ZNF519: variants seen among roughly 807,000 people sequenced by gnomAD.
ZNF519 encodes similar to Zinc finger protein 85 (Zinc finger protein HPF4) (HTF1).
In ZNF519, 7 loss-of-function variants were observed where a neutral mutation model predicts 7.4. That is an observed-to-expected ratio of 0.94 (90% CI 0.54 to 1.77). ZNF519 has a LOEUF of 1.77. Among genes scored for constraint, ZNF519 ranks in the 40% most tolerant of loss-of-function variants. ZNF519 has a pLI of 0.00. For missense variants in ZNF519, 586 were observed against 623.1 expected, an observed-to-expected ratio of 0.94 and a Z score of 0.63; for synonymous variants, 179 against 203.3, an observed-to-expected ratio of 0.88 and a Z score of 1.02.
At chr18:14,072,112 T>A (rs1256452279), downstream of ZNF519, 2 of 152,206 alleles carry the variant, frequency 1.3e-5, no homozygotes, top group African/African-American at 4.8e-5. Context: ...TAATGCAGAC[T>A]AAATATCTTA....
intron 1 of ZNF519, among the ~76,000 whole-genome samples, chr18:14,127,270 A>G (rs1235433830): frequency 4.6e-5 from 7 of 152,172 alleles, no homozygotes; most frequent in Non-Finnish European, 8.8e-5. Context: ...CCACTCTGAA[A>G]CTGATGCTTA....
chr18:14,130,443 T>C (rs1369978289), intron 1 of ZNF519, among the ~76,000 whole-genome samples: 2 of 152,104 alleles, frequency 1.3e-5, no homozygotes, highest in Non-Finnish European at 2.9e-5. Flanking sequence ...AGATCCAATT[T>C]ACAGTTAATT....
chr18:14,107,687 A>G (rs1305481537), intron 2 of ZNF519, among the ~76,000 whole-genome samples: 1 of 152,114 alleles, frequency 6.6e-6, no homozygotes, highest in Non-Finnish European at 1.5e-5. Flanking sequence ...CTGAGACAAA[A>G]GGGACACCAC....
At chr18:14,074,274 A>C (rs183350668), downstream of ZNF519, 4 of 152,302 alleles carry the variant, frequency 2.6e-5, no homozygotes, top group African/African-American at 7.2e-5. Flanking sequence ...GAGCAGACAG[A>C]TCAAGAAATT....
At chr18:14,093,300 C>T (rs187692795) in intron 2 of ZNF519, among the ~76,000 whole-genome samples, 17 of 152,260 alleles carry the variant, frequency 1.1e-4, no homozygotes, top group Admixed American at 3.3e-4. Flanking sequence ...TCCATCCTGC[C>T]GCTTTCTCCT....
downstream of ZNF519, among the ~76,000 whole-genome samples, chr18:14,098,161 CT>C (rs11438208): frequency 4.6e-3 from 637 of 139,700 alleles, 2 homozygotes; most frequent in African/African-American, 0.012. Context: ...CTTTCACTGT[CT>C]TTTTTTTTTT....
Position 14,105,689 on chromosome 18 carries a change from T to G in ZNF519, c.851A>C (p.Lys284Thr). Residue 284 changes from lysine (K) to threonine (T), a missense_variant, in exon 3 of 3, where the codon AAA becomes ACA. By Grantham distance (78) the Lys-to-Thr change is moderately conservative. Transcript: ENST00000590202. ...FTRGLHLGHQKIHTGEKPYKC... is the reference protein window; with the variant it reads ...FTRGLHLGHQTIHTGEKPYKC... ...GTAAGGTTTCTCTCCAGTATGAATTTTCTGATGTCCAAGATGTAAGCCCCT... is the reference window on the plus strand; with the variant it reads ...GTAAGGTTTCTCTCCAGTATGAATTGTCTGATGTCCAAGATGTAAGCCCCT... 6.2e-7 allele frequency: 1 copy of G among 1,613,630 alleles called. No individual in the cohort carries two copies. Among genetic ancestry groups the G allele is most frequent in the Non-Finnish European group, 8.5e-7 (1 of 1,179,924 alleles).
intron 1 of ZNF519, among the ~76,000 whole-genome samples, chr18:14,125,769 C>T (rs1442860235): frequency 6.6e-6 from 1 of 152,020 alleles, no homozygotes; most frequent in East Asian, 1.9e-4. Context: ...ACTGCAACCT[C>T]CGCCTCCCAG....
At chr18:14,110,625 C>T (rs2046215315) in intron 2 of ZNF519, among the ~76,000 whole-genome samples, 1 of 151,828 alleles carries the variant, frequency 6.6e-6, no homozygotes, top group Non-Finnish European at 1.5e-5. Flanking sequence ...AAATGAAAAC[C>T]ACAATTAGAT....
chr18:14,093,785 T>C (rs575651691), intron 2 of ZNF519, among the ~76,000 whole-genome samples: 1 of 152,342 alleles, frequency 6.6e-6, no homozygotes, highest in Non-Finnish European at 1.5e-5. Flanking sequence ...TTAACAATTG[T>C]CTGACTGTGA....
chr18:14,113,568 C>T (rs542068902), intron 2 of ZNF519, among the ~76,000 whole-genome samples: 6 of 152,126 alleles, frequency 3.9e-5, no homozygotes, highest in African/African-American at 1.4e-4. Context: ...TTGGATGAGA[C>T]CTGTCTCAGA....
Position 14,100,106 on chromosome 18 carries a change from A to G in ZNF519, c.*4811T>C, listed in dbSNP as rs2046153218. The G allele has an allele frequency of 6.6e-6, 1 of 152,224 alleles. No individual in the cohort carries two copies. The highest frequency in any genetic ancestry group is 2.1e-4 in the South Asian group (1 of 4,834). The allele number at this position is 152,224 out of a possible 1,614,324, so 9.4% of individuals were successfully genotyped here. On this transcript the variant is annotated 3_prime_UTR_variant, in exon 3 of 3. Coordinates refer to ENST00000590202, the MANE Select transcript of ZNF519 (RefSeq NM_145287.4). ...CAGATGTCATATGAGAACATTAAAT[A>G]AAGTTCAACATTATTATCCTTTAGA...
chr18:14,106,343 G>C lies in ZNF519; in HGVS notation c.197C>G (p.Ala66Gly). 6.2e-7 allele frequency: 1 copy of C among 1,611,692 alleles called. No homozygotes were observed. Among genetic ancestry groups the C allele is most frequent in the Non-Finnish European group, 8.5e-7 (1 of 1,179,352 alleles). Reference sequence around the variant, plus strand: ...ACAGCTCCCATATCTTCCCAGTGTTGCTTTTTTGAATGAATCTTGTATGCC... The same window carrying C: ...ACAGCTCCCATATCTTCCCAGTGTTCCTTTTTTGAATGAATCTTGTATGCC... ...EQGIQDSFKK[A>G]TLGRYGSCGL... Residue 66 changes from alanine to glycine, a missense_variant, in exon 3 of 3, where the codon GCA becomes GGA. By Grantham distance (60) the Ala-to-Gly change is moderately conservative. Coordinates refer to ENST00000590202, the MANE Select transcript of ZNF519 (RefSeq NM_145287.4).
chr18:14,079,914 C>T (rs142289047), intron 3 of ZNF519, among the ~76,000 whole-genome samples: 1 of 151,082 alleles, frequency 6.6e-6, no homozygotes, highest in Admixed American at 6.6e-5. Context: ...TATAATTTAC[C>T]AAAATTAAAC....
chr18:14,082,568 CA>C (rs1308511790), intron 3 of ZNF519: 1 of 151,982 alleles, frequency 6.6e-6, no homozygotes, highest in African/African-American at 2.4e-5. Context: ...TCTCAAGTCT[CA>C]AACTGTGTCA....
intron 3 of ZNF519, chr18:14,084,848 A>G (rs2046083592): frequency 6.6e-6 from 1 of 152,228 alleles, no homozygotes; most frequent in South Asian, 2.1e-4. Flanking sequence ...AAAACTTTGT[A>G]TAAAATAAAT....
downstream of ZNF519, among the ~76,000 whole-genome samples, chr18:14,097,358 GA>G (rs1208360508): frequency 3.3e-4 from 51 of 152,280 alleles, no homozygotes; most frequent in African/African-American, 1.2e-3. Flanking sequence ...TTCAGAGGGT[GA>G]CACAGATGGT....
chr18:14,128,696 C>CACACAG (rs2046314224), intron 1 of ZNF519, among the ~76,000 whole-genome samples: 1 of 77,022 alleles, frequency 1.3e-5, no homozygotes, highest in East Asian at 4.4e-4. Flanking sequence ...GTCAAACACA[C>CACACAG]ACACACACAC....
intron 1 of ZNF519, among the ~76,000 whole-genome samples, chr18:14,131,833 AG>A (rs1280954327): frequency 3.9e-5 from 6 of 152,198 alleles, no homozygotes; most frequent in East Asian, 3.8e-4. Flanking sequence ...ACCTTCTAGT[AG>A]CCCCCCAACC....
Sources: gnomAD v4.1 joint callset for allele counts (sites outside exome capture counted in the v4.1 genomes callset) on GRCh38, gnomAD v4.1.1 for gene constraint, MANE v1.5 for transcripts, NCBI Gene and HGNC (gene_info 2026-07-23, HGNC 2026-07-21) for gene names.